SLIT3: variants seen among roughly 807,000 people sequenced by gnomAD.
SLIT3 encodes the protein slit homolog 3 protein.
A neutral mutation model predicts 184.0 loss-of-function variants in SLIT3; 68 were observed. The observed-to-expected ratio is 0.37, with a 90% CI of 0.30 to 0.45. The LOEUF (loss-of-function observed/expected upper bound fraction) is 0.45, where lower values mean the gene tolerates loss of function less well. Ranked by LOEUF, SLIT3 falls within the 20% of genes least tolerant of loss-of-function variation. The probability of loss-of-function intolerance (pLI) is 1.00; values close to 1 mark genes in which losing one functional copy is unlikely to be tolerated. For missense variants in SLIT3, 1,707 were observed against 2,026.0 expected, an observed-to-expected ratio of 0.84 and a Z score of 3.02; for synonymous variants, 831 against 828.6, an observed-to-expected ratio of 1.00 and a Z score of -0.05.
intron 2 of SLIT3, among the ~76,000 whole-genome samples, chr5:169,245,825 C>T (rs1252727305): frequency 2.6e-5 from 4 of 152,308 alleles, no homozygotes; most frequent in Non-Finnish European, 5.9e-5. Flanking sequence ...CTGCACTTCT[C>T]AGCCTTAACA....
intron 8 of SLIT3, among the ~76,000 whole-genome samples, chr5:168,817,026 C>G (rs770260991): frequency 1.3e-5 from 2 of 150,828 alleles, no homozygotes; most frequent in African/African-American, 4.9e-5. Flanking sequence ...AACAAATGTT[C>G]GGTTTCTAGT....
intron 20 of SLIT3, among the ~76,000 whole-genome samples, chr5:168,745,448 A>G (rs1763770718): frequency 6.6e-6 from 1 of 150,900 alleles, no homozygotes; most frequent in South Asian, 2.1e-4. Flanking sequence ...GTCTCACTTT[A>G]TTGCCCAAGC....
At chr5:169,015,942 AC>A (rs1756348346) in intron 4 of SLIT3, among the ~76,000 whole-genome samples, 1 of 106,096 alleles carries the variant, frequency 9.4e-6, no homozygotes, top group Non-Finnish European at 1.8e-5. Context: ...ACACACACAC[AC>A]ACACACACAC....
At chr5:168,955,771 G>A (rs1028730193) in intron 4 of SLIT3, among the ~76,000 whole-genome samples, 8 of 152,246 alleles carry the variant, frequency 5.3e-5, no homozygotes, top group Non-Finnish European at 8.8e-5. Context: ...GGAGGGAGAT[G>A]AGGCCCCACA....
intron 5 of SLIT3, among the ~76,000 whole-genome samples, chr5:168,869,023 G>A (rs1759416157): frequency 1.3e-5 from 2 of 152,136 alleles, no homozygotes; most frequent in Non-Finnish European, 2.9e-5. Flanking sequence ...CAGATAGGAG[G>A]GCACACAGTA....
At chr5:169,174,798 T>TAACCTGTCCC (rs1762923497) in intron 4 of SLIT3, among the ~76,000 whole-genome samples, 1 of 152,174 alleles carries the variant, frequency 6.6e-6, no homozygotes, top group African/African-American at 2.4e-5. Context: ...CAGCCTGTCC[T>TAACCTGTCCC]CACCTGTCCC....
intron 3 of SLIT3, among the ~76,000 whole-genome samples, chr5:169,239,056 G>A (rs549228812): frequency 5.5e-4 from 84 of 152,258 alleles, no homozygotes; most frequent in Middle Eastern, 3.4e-3. Flanking sequence ...GGGATTCACT[G>A]AATTACTGCT....
At chr5:169,126,796 G>A (rs935857264) in intron 4 of SLIT3, among the ~76,000 whole-genome samples, 1 of 152,242 alleles carries the variant, frequency 6.6e-6, no homozygotes, top group Non-Finnish European at 1.5e-5. Flanking sequence ...GGAGGAGACA[G>A]CATTTGCCAG....
At chr5:168,863,762 C>T (rs1247951236) in intron 5 of SLIT3, among the ~76,000 whole-genome samples, 1 of 152,102 alleles carries the variant, frequency 6.6e-6, no homozygotes, top group African/African-American at 2.4e-5. Context: ...TTATGTTACA[C>T]AAATATATGC....
intron 4 of SLIT3, among the ~76,000 whole-genome samples, chr5:168,927,100 A>G (rs1761852532): frequency 6.6e-6 from 1 of 152,244 alleles, no homozygotes; most frequent in African/African-American, 2.4e-5. Context: ...CACAACAGCT[A>G]AAAAGTGGAA....
In SLIT3 at chr5:168,994,623, C is replaced by CTTTTTTTTTTT. The variant is rs66498923; in HGVS notation, c.414-111298_414-111288dup. On this transcript the variant is annotated intron_variant, in intron 4 of 35. Coordinates refer to ENST00000519560, the MANE Select transcript of SLIT3 (RefSeq NM_003062.4). ...ACATGTACCAGTGTCTGGCATTCTA[C>CTTTTTTTTTTT]TTTTTTTTTTTTTTTTTTTTTTTTT... Among the ~76,000 whole-genome samples, 17 of 47,100 alleles carry CTTTTTTTTTTT rather than the reference C, an allele frequency of 3.6e-4. 5 individuals carry two copies. Among genetic ancestry groups the CTTTTTTTTTTT allele is most frequent in the Non-Finnish European group, 4.4e-4 (12 of 27,044 alleles). 30.9% of individuals were successfully genotyped at this position (47,100 alleles called of 152,430 possible). A position where few individuals can be genotyped will look rare whatever the true frequency, so the allele number is the denominator to read the frequency against.
intron 20 of SLIT3, among the ~76,000 whole-genome samples, chr5:168,740,183 G>A (rs976193986): frequency 2.0e-5 from 3 of 152,146 alleles, no homozygotes; most frequent in Admixed American, 2.0e-4. Flanking sequence ...CAGACAAAGA[G>A]GGCAACTGGT....
chr5:168,996,594 C>T (rs1458928985), intron 4 of SLIT3, among the ~76,000 whole-genome samples: 3 of 152,170 alleles, frequency 2.0e-5, no homozygotes, highest in South Asian at 2.1e-4. Flanking sequence ...TTCAGAAACA[C>T]GTAAGAAGCT....
intron 5 of SLIT3, among the ~76,000 whole-genome samples, chr5:168,876,535 G>C (rs1057266865): frequency 1.3e-5 from 2 of 152,258 alleles, no homozygotes; most frequent in East Asian, 3.9e-4. Flanking sequence ...ACACACCTCT[G>C]TCCCTTTACA....
At chr5:168,763,578 G>A (rs867292718) in intron 14 of SLIT3, among the ~76,000 whole-genome samples, 5 of 152,084 alleles carry the variant, frequency 3.3e-5, no homozygotes, top group East Asian at 1.9e-4. Flanking sequence ...CAAATCTCCC[G>A]AAGTTGCACA....
chr5:169,277,998 G>C (rs1305727660), intron 1 of SLIT3, among the ~76,000 whole-genome samples: 3 of 152,226 alleles, frequency 2.0e-5, no homozygotes, highest in Non-Finnish European at 4.4e-5. Flanking sequence ...TTGGTAAGAC[G>C]TGGCTTGTTC....
chr5:168,943,723 C>T (rs1407333581), intron 4 of SLIT3, among the ~76,000 whole-genome samples: 1 of 152,156 alleles, frequency 6.6e-6, no homozygotes, highest in East Asian at 1.9e-4. Flanking sequence ...TGCACATATA[C>T]ACAGTTTATG....
At chr5:168,696,520 A>C in intron 27 of SLIT3, 89 bp from the exon 28 acceptor site, 1 of 1,492,098 alleles carries the variant, frequency 6.7e-7, no homozygotes, top group South Asian at 1.2e-5. Context: ...ACGGGTGGGA[A>C]ATACAATTAG....
chr5:168,994,609 T>C (rs1204456308), intron 4 of SLIT3, among the ~76,000 whole-genome samples: 1 of 145,262 alleles, frequency 6.9e-6, no homozygotes, highest in Non-Finnish European at 1.5e-5. Context: ...CATGTACCAG[T>C]GTCTGGCATT....
Sources: gnomAD v4.1 joint callset for allele counts (sites outside exome capture counted in the v4.1 genomes callset) on GRCh38, gnomAD v4.1.1 for gene constraint, MANE v1.5 for transcripts, NCBI Gene and HGNC (gene_info 2026-07-23, HGNC 2026-07-21) for gene names.